ZFHX3: variants seen among roughly 807,000 people sequenced by gnomAD.
The protein encoded by ZFHX3 is zinc finger homeobox protein 3.
In ZFHX3, 42 loss-of-function variants were observed where a neutral mutation model predicts 279.1. The observed-to-expected ratio is 0.15, with a 90% CI of 0.12 to 0.19. ZFHX3 has a LOEUF of 0.19. ZFHX3 is among the 10% of genes least tolerant of loss of function. The pLI is 1.00. For missense variants in ZFHX3, 4,981 were observed against 4,754.0 expected (o/e 1.05, Z -1.40); for synonymous variants, 2,293 against 1,957.8 (o/e 1.17, Z -4.52).
chr16:72,941,424 G>A (rs1960405937), intron 3 of ZFHX3, among the ~76,000 whole-genome samples: 1 of 152,148 alleles, frequency 6.6e-6, no homozygotes, highest in African/African-American at 2.4e-5. Flanking sequence ...CTGCTGGCAG[G>A]TCATTATGAA....
At chr16:73,589,705 G>T (rs1321646146) in intron 2 of ZFHX3, among the ~76,000 whole-genome samples, 2 of 115,270 alleles carry the variant, frequency 1.7e-5, no homozygotes, top group Admixed American at 2.4e-4. Flanking sequence ...ACTCCATCCA[G>T]CCTGGGTGAC....
At chr16:73,452,770 G>A (rs2018298839) in intron 3 of ZFHX3, among the ~76,000 whole-genome samples, 1 of 152,204 alleles carries the variant, frequency 6.6e-6, no homozygotes, top group Non-Finnish European at 1.5e-5. Flanking sequence ...GATTTCAAAT[G>A]AAGTGAGGAA....
Position 72,950,716 on chromosome 16 carries a change from C to T in ZFHX3, c.2969G>A (p.Arg990His), listed in dbSNP as rs753727111. The stretch of plus-strand genomic sequence containing the variant: ...GTTGGCCTTGAGCTGGGTGTTGTAG[C>T]GGCAGAGCTTGCACTGGTATGAGTC... ...MGDSYQCKLC[R>H]YNTQLKANFQ... Residue 990 changes from arginine to histidine, a missense_variant, in exon 3 of 10, where the codon CGC (arginine) becomes CAC (histidine). Around this residue, in one of 7 missense-constraint regions of ZFHX3, gnomAD observed 1,751 missense variants for 1,770.0 expected, o/e 0.99. Transcript: ENST00000268489. The T allele has an allele frequency of 1.1e-5, 17 of 1,614,090 alleles. 1 individual carries two copies. The East Asian group carries it at 3.1e-4, about 30-fold the overall frequency.
In ZFHX3 at chr16:72,787,547, A is replaced by G; in HGVS notation, c.10729T>C (p.Cys3577Arg). The change falls in exon 10 of 10, where the codon TGC (cysteine) becomes CGC (arginine). Residue 3577 changes from cysteine to arginine, a missense_variant. Coordinates refer to ENST00000268489, the MANE Select transcript of ZFHX3 (RefSeq NM_006885.4). ...EHPSLLPHSA[C>R]FPDPSTASTS... ...GATGCGGTGCTAGGATCGGGGAAGC[A>G]GGCAGAGTGAGGTAATAAACTAGGG... is the stretch of plus-strand genomic sequence containing the variant. 9 of 1,614,022 alleles carry G rather than the reference A, an allele frequency of 5.6e-6. No individual in the cohort carries two copies. Among genetic ancestry groups the G allele is most frequent in the Non-Finnish European group, 7.6e-6 (9 of 1,179,978 alleles).
intron 5 of ZFHX3, among the ~76,000 whole-genome samples, chr16:73,219,978 C>G (rs533096925): frequency 6.6e-6 from 1 of 151,924 alleles, no homozygotes; most frequent in Admixed American, 6.6e-5. Context: ...CCTGGCTACT[C>G]GGGAGCCTGA....
intron 2 of ZFHX3, among the ~76,000 whole-genome samples, chr16:73,545,456 T>C (rs529233031): frequency 8.3e-4 from 127 of 152,332 alleles, no homozygotes; most frequent in African/African-American, 2.9e-3. Flanking sequence ...CATTTGTGTT[T>C]ACATTTCTAA....
chr16:72,865,514 T>G (rs749890284), intron 4 of ZFHX3, among the ~76,000 whole-genome samples: 1 of 152,196 alleles, frequency 6.6e-6, no homozygotes, highest in Non-Finnish European at 1.5e-5. Flanking sequence ...CAGAATGAAC[T>G]TGGATCTTGT....
chr16:73,033,682 C>T lies in ZFHX3; in HGVS notation c.-50+14070G>A, dbSNP rs142145755. Among the ~76,000 whole-genome samples the T allele has an allele frequency of 7.5e-3, 1,136 of 152,250 alleles. 5 individuals are homozygous for T. Among genetic ancestry groups the T allele is most frequent in the Non-Finnish European group, 8.9e-3 (608 of 68,006 alleles). ...AGTTTTTTTCCTGCCTGCCAGGAGG[C>T]CAGCCTGTTAAAGGAATTCGATACC... On this transcript the variant is annotated intron_variant, in intron 1 of 9. Coordinates refer to ENST00000268489, the MANE Select transcript of ZFHX3 (RefSeq NM_006885.4).
At chr16:72,805,501 G>C (rs764695460) in intron 7 of ZFHX3, among the ~76,000 whole-genome samples, 2 of 152,206 alleles carry the variant, frequency 1.3e-5, no homozygotes, top group Non-Finnish European at 2.9e-5. Context: ...AAAGAGGAGA[G>C]ACCTCAGGCA....
chr16:73,130,553 G>A (rs1343430689), intron 7 of ZFHX3, among the ~76,000 whole-genome samples: 1 of 152,210 alleles, frequency 6.6e-6, no homozygotes, highest in Non-Finnish European at 1.5e-5. Context: ...AAAACATGAT[G>A]TTCATTACTT....
intron 2 of ZFHX3, among the ~76,000 whole-genome samples, chr16:73,478,684 A>G (rs2143620255): frequency 6.6e-6 from 1 of 152,304 alleles, no homozygotes; most frequent in South Asian, 2.1e-4. Flanking sequence ...ATTGAGGTGC[A>G]AATATCTGAT....
chr16:73,179,685 G>T (rs2144876747), intron 5 of ZFHX3, among the ~76,000 whole-genome samples: 1 of 152,286 alleles, frequency 6.6e-6, no homozygotes, highest in African/African-American at 2.4e-5. Flanking sequence ...TCTCCAAGTT[G>T]TCTCTGGGGC....
intron 1 of ZFHX3, among the ~76,000 whole-genome samples, chr16:73,722,427 A>T (rs761103409): frequency 1.3e-5 from 2 of 152,230 alleles, no homozygotes; most frequent in African/African-American, 2.4e-5. Flanking sequence ...TTTATGAACC[A>T]GGAAATCTTC....
At chr16:73,441,089 A>C (rs1431592556) in intron 3 of ZFHX3, among the ~76,000 whole-genome samples, 1 of 152,144 alleles carries the variant, frequency 6.6e-6, no homozygotes, top group African/African-American at 2.4e-5. Context: ...GGGTTGTTAC[A>C]TATCTAGAGT....
chr16:73,665,518 C>T lies in ZFHX3; in HGVS notation c.-1547+14662G>A, dbSNP rs186981353. On this transcript the variant is annotated intron_variant, in intron 2 of 17. Transcript: ENST00000641206. ...CATGAGCCACCATGCCTGGCCTGAC[C>T]ATTGTACATTTAAGAAGAGGATGCT... 8.4e-4 allele frequency among the ~76,000 whole-genome samples: 127 copies of T among 151,704 alleles called. 1 individual carries two copies. The highest frequency in any genetic ancestry group is 2.5e-3 in the African/African-American group (104 of 41,176).
intron 5 of ZFHX3, among the ~76,000 whole-genome samples, chr16:72,823,465 C>A (rs756147731): frequency 2.0e-5 from 3 of 152,166 alleles, no homozygotes; most frequent in Admixed American, 6.5e-5. Context: ...TGTTGATGTC[C>A]TCATCACACT....
rs539714834 is a variant in ZFHX3 at position 73,248,067 on chromosome 16, T to C, written c.-1104+8980A>G. On this transcript the variant is annotated intron_variant, in intron 5 of 17. Coordinates refer to the ZFHX3 transcript ENST00000641206. The stretch of plus-strand genomic sequence containing the variant: ...TGTATGTGGAGTGTATAAGTGTGTG[T>C]ATACTGTATATATAATGTGTGTGTG... Among the ~76,000 whole-genome samples the C allele has an allele frequency of 9.9e-5, 15 of 152,078 alleles. No individual in the cohort carries two copies. In the South Asian group the frequency reaches 3.1e-3, roughly 32 times the overall value.
intron 1 of ZFHX3, among the ~76,000 whole-genome samples, chr16:73,045,949 A>C (rs1179424908): frequency 6.6e-6 from 1 of 152,106 alleles, no homozygotes; most frequent in Non-Finnish European, 1.5e-5. Flanking sequence ...TTGTTAAATA[A>C]CACTTGTGTA....
intron 1 of ZFHX3, 24 bp downstream of exon 1, chr16:73,047,728 G>A (rs972346469): frequency 2.0e-5 from 3 of 152,548 alleles, no homozygotes; most frequent in Non-Finnish European, 4.4e-5. Context: ...CGGCTGCGCG[G>A]ACCCGGAGGG....
Sources: gnomAD v4.1 joint callset for allele counts (sites outside exome capture counted in the v4.1 genomes callset) on GRCh38, gnomAD v4.1.1 for gene constraint, gnomAD v4.1.1 regional missense constraint, MANE v1.5 for transcripts, NCBI Gene and HGNC (gene_info 2026-07-23, HGNC 2026-07-21) for gene names.